ABLIM2: variants seen among roughly 807,000 people sequenced by gnomAD.
ABLIM2 encodes the protein actin-binding LIM protein 2.
ABLIM2 carries 53 observed loss-of-function variants against 97.7 expected under a neutral mutation model. The ratio of observed to expected loss-of-function variants is 0.54; its 90% CI spans 0.44 to 0.68. The LOEUF (loss-of-function observed/expected upper bound fraction) is 0.68. Ranked by LOEUF, ABLIM2 falls within the 30% of genes least tolerant of loss-of-function variation. The probability of loss-of-function intolerance (pLI) is 0.00; values close to 1 mark genes in which losing one functional copy is unlikely to be tolerated. For synonymous variants in ABLIM2, 361 were observed against 345.8 expected, an observed-to-expected ratio of 1.04 and a Z score of -0.49; for missense variants, 835 against 867.2, an observed-to-expected ratio of 0.96 and a Z score of 0.47.
chr4:7,981,933 C>T (rs1381001284), intron 20 of ABLIM2, among the ~76,000 whole-genome samples: 1 of 152,194 alleles, frequency 6.6e-6, no homozygotes, highest in East Asian at 1.9e-4. Flanking sequence ...GCACCTGCTC[C>T]CTGCCAGCCT....
chr4:8,043,869 G>A lies in ABLIM2; in HGVS notation c.900+1295C>T, dbSNP rs1038152824. 1.3e-5 allele frequency among the ~76,000 whole-genome samples: 2 copies of A among 152,192 alleles called. No homozygotes were observed. Among genetic ancestry groups the A allele is most frequent in the African/African-American group, 4.8e-5 (2 of 41,458 alleles). On this transcript the variant is annotated intron_variant, in intron 9 of 20. Transcript: ENST00000447017. The surrounding 1 kb of genome is among the most constrained non-coding windows in gnomAD (Gnocchi z 4.8). ...GGACCGAAGGTGCCTGGGGGTCTCC[G>A]TGGATTACTGAGGGGCTCCCAGAGG...
intron 1 of ABLIM2, among the ~76,000 whole-genome samples, chr4:8,151,841 A>G (rs1183166209): frequency 1.4e-5 from 1 of 70,536 alleles, no homozygotes; most frequent in African/African-American, 5.7e-5. Flanking sequence ...CCCTGGGGGG[A>G]TTGCAGGACT....
intron 7 of ABLIM2, among the ~76,000 whole-genome samples, chr4:8,060,530 T>G (rs1306122705): frequency 6.6e-6 from 1 of 152,138 alleles, no homozygotes; most frequent in East Asian, 1.9e-4. Flanking sequence ...CCAACCTCCT[T>G]TGTGGACAGA....
chr4:7,984,604 G>A (rs1225266615), intron 18 of ABLIM2, among the ~76,000 whole-genome samples: 3 of 152,244 alleles, frequency 2.0e-5, no homozygotes, highest in East Asian at 1.9e-4. Flanking sequence ...GGACAGGGCC[G>A]CCGTGGCCAT....
chr4:7,999,800 C>A lies in ABLIM2; in HGVS notation c.1619-6873G>T, dbSNP rs1755825824. 6.6e-6 allele frequency among the ~76,000 whole-genome samples: 1 copy of A among 152,170 alleles called. No homozygotes were observed. ...CACTCCATGCCCAGGCTCAGCCAAA[C>A]CAGGCTCCTGGCCGCCTCCCCTCCA... On this transcript the variant is annotated intron_variant, in intron 16 of 20. Transcript: ENST00000447017. This position sits in a 1 kb window ranked among gnomAD's most constrained non-coding sequence, Gnocchi z 4.4.
intron 3 of ABLIM2, among the ~76,000 whole-genome samples, chr4:8,090,970 G>C (rs976112913): frequency 6.6e-6 from 1 of 151,868 alleles, no homozygotes; most frequent in Non-Finnish European, 1.5e-5. Flanking sequence ...GCGGACACAA[G>C]CTTTCCTTTT....
chr4:8,090,483 G>A (rs1030066393), intron 3 of ABLIM2, among the ~76,000 whole-genome samples: 5 of 152,172 alleles, frequency 3.3e-5, no homozygotes, highest in African/African-American at 4.8e-5. Context: ...AGCTATGATT[G>A]TATTTCCTCA....
chr4:7,977,481 A>G (rs1445716421), intron 20 of ABLIM2, among the ~76,000 whole-genome samples: 1 of 152,212 alleles, frequency 6.6e-6, no homozygotes, highest in African/African-American at 2.4e-5. Flanking sequence ...CCAGTGGGCC[A>G]CCATATTGCC....
chr4:8,118,577 C>A (rs1273034165), intron 1 of ABLIM2, among the ~76,000 whole-genome samples: 1 of 152,162 alleles, frequency 6.6e-6, no homozygotes, highest in African/African-American at 2.4e-5. Flanking sequence ...ATTCAAGAAC[C>A]TTCCATGGCT....
chr4:8,090,126 C>G (rs62289375), intron 3 of ABLIM2, among the ~76,000 whole-genome samples: 17 of 152,188 alleles, frequency 1.1e-4, no homozygotes, highest in East Asian at 1.9e-4. Flanking sequence ...CCTCCCCTCC[C>G]ATCCACTGCC....
chr4:8,098,158 G>A (rs1360112869), intron 2 of ABLIM2, among the ~76,000 whole-genome samples: 1 of 152,120 alleles, frequency 6.6e-6, no homozygotes, highest in Admixed American at 6.5e-5. Flanking sequence ...AGCCTCCCCT[G>A]ACCCAGCTGG....
Position 7,966,877 on chromosome 4 carries a change from C to CCCCCGGGAA in ABLIM2, c.*112_*113insTTCCCGGGG. On this transcript the variant is annotated 3_prime_UTR_variant, in exon 21 of 21. Transcript: ENST00000447017. ...TGCTGGGGGACCCCCTCCCGCCCAC[C>CCCCCGGGAA]CCATGGACACAGAGAAGCCAGAGCA... 1 of 338,848 alleles carries CCCCCGGGAA rather than the reference C, an allele frequency of 3.0e-6. No individual in the cohort carries two copies. Among genetic ancestry groups the CCCCCGGGAA allele is most frequent in the Non-Finnish European group, 5.7e-6 (1 of 174,130 alleles). The allele number at this position is 338,848 out of a possible 1,614,324, so 21.0% of individuals were successfully genotyped here.
rs1852052806 is a variant in ABLIM2 at position 8,147,706 on chromosome 4, T to C, written c.10+10974A>G. ...GCAGGGGTGAGGACTGAGCCTCCCC[T>C]GAGCCCCCGAGGGAGCTGCCAGCGC... On this transcript the variant is annotated intron_variant, in intron 1 of 20. Coordinates refer to ENST00000447017, the MANE Select transcript of ABLIM2 (RefSeq NM_001130083.2). The surrounding 1 kb of genome is among the most constrained non-coding windows in gnomAD (Gnocchi z 5.3). Among the ~76,000 whole-genome samples, 1 of 152,210 alleles carries C rather than the reference T, an allele frequency of 6.6e-6. No homozygotes were observed. Among genetic ancestry groups the C allele is most frequent in the African/African-American group, 2.4e-5 (1 of 41,446 alleles).
chr4:8,011,698 G>A (rs1172108961), intron 14 of ABLIM2, among the ~76,000 whole-genome samples: 2 of 152,238 alleles, frequency 1.3e-5, no homozygotes, highest in Non-Finnish European at 2.9e-5. Flanking sequence ...GAGAAAGAGA[G>A]TTTAATATGT....
chr4:8,080,492 C>T (rs530845181), intron 5 of ABLIM2, among the ~76,000 whole-genome samples, 184 bp downstream of exon 5: 1 of 152,316 alleles, frequency 6.6e-6, no homozygotes, highest in African/African-American at 2.4e-5. Flanking sequence ...GGACATAAGG[C>T]TGTTGGGACA....
At chr4:8,065,971 GAGGGGAGGGGAGGGC>G (rs1035237940) in intron 6 of ABLIM2, among the ~76,000 whole-genome samples, 1 of 143,388 alleles carries the variant, frequency 7.0e-6, no homozygotes, top group Non-Finnish European at 1.5e-5. Context: ...AAAGGGAATG[GAGGGGAGGGGAGGGC>G]AGGGGAGGGG....
rs537717093 is a variant in ABLIM2, at chr4:8,069,995, G to A, written c.675+7633C>T. ...GTCTGCACGTCTTGTATGTGTATGT[G>A]ATCTGTGTGTCCTTTTGTGTGTTTG... On this transcript the variant is annotated intron_variant, in intron 6 of 20. Coordinates refer to ENST00000447017, the MANE Select transcript of ABLIM2 (RefSeq NM_001130083.2). This position sits in a 1 kb window ranked among gnomAD's most constrained non-coding sequence, Gnocchi z 4.2. Among the ~76,000 whole-genome samples, 4 of 151,996 alleles carry A rather than the reference G, an allele frequency of 2.6e-5. No homozygotes were observed. Among genetic ancestry groups the A allele is most frequent in the East Asian group, 1.9e-4 (1 of 5,176 alleles).
chr4:8,158,402 C>T (rs995686778), intron 1 of ABLIM2, among the ~76,000 whole-genome samples: 2 of 152,174 alleles, frequency 1.3e-5, no homozygotes, highest in Non-Finnish European at 2.9e-5. Flanking sequence ...CCGTGAGAAG[C>T]AAAGAAGGGG....
At chr4:7,968,975 T>C (rs942078060) in intron 20 of ABLIM2, among the ~76,000 whole-genome samples, 7 of 151,600 alleles carry the variant, frequency 4.6e-5, no homozygotes, top group Non-Finnish European at 1.0e-4. Context: ...CTACTAAAAA[T>C]ACAAAAATTA....
Sources: gnomAD v4.1 joint callset for allele counts (sites outside exome capture counted in the v4.1 genomes callset) on GRCh38, gnomAD v4.1.1 for gene constraint, Gnocchi (gnomAD v3.1) non-coding constraint, MANE v1.5 for transcripts, NCBI Gene and HGNC (gene_info 2026-07-23, HGNC 2026-07-21) for gene names.